The following PAWR variants were observed in gnomAD, a reference collection of about 807,000 sequenced individuals.
PAWR encodes the protein PRKC apoptosis WT1 regulator protein.
In PAWR, 23 loss-of-function variants were observed where a neutral mutation model predicts 32.0. The observed-to-expected ratio is 0.72, with a 90% CI of 0.52 to 1.02. The LOEUF (loss-of-function observed/expected upper bound fraction) is 1.02. PAWR is among the 50% of genes least tolerant of loss of function. The pLI, the probability that PAWR is intolerant of heterozygous loss-of-function variation, is 0.00. For missense variants in PAWR, 457 were observed against 437.7 expected (o/e 1.04, Z -0.39); for synonymous variants, 226 against 187.1 (o/e 1.21, Z -1.70).
chr12:79,674,936 G>C (rs1293857203), intron 2 of PAWR, among the ~76,000 whole-genome samples: 3 of 152,134 alleles, frequency 2.0e-5, no homozygotes, highest in Admixed American at 2.0e-4. Context: ...GCAGAGAAAA[G>C]GGAACACCCA....
chr12:79,601,638 C>T (rs1159438002), intron 4 of PAWR, among the ~76,000 whole-genome samples: 1 of 151,960 alleles, frequency 6.6e-6, no homozygotes, highest in East Asian at 1.9e-4. Context: ...ATAAAATAAT[C>T]GTCTGTATCC....
At chr12:79,647,804 G>C (rs942263202) in intron 2 of PAWR, among the ~76,000 whole-genome samples, 3 of 152,166 alleles carry the variant, frequency 2.0e-5, no homozygotes, top group African/African-American at 7.2e-5. Context: ...AACCAACTAA[G>C]TATCAAAATT....
At chr12:79,596,812 C>T (rs1873778328) in intron 4 of PAWR, 154 bp from the exon 5 acceptor site, 2 of 518,744 alleles carry the variant, frequency 3.9e-6, no homozygotes, top group African/African-American at 2.0e-5. Flanking sequence ...ATCATTATTC[C>T]CACACAATGA....
intron 2 of PAWR, among the ~76,000 whole-genome samples, chr12:79,688,625 C>T (rs1388570028): frequency 6.6e-6 from 1 of 152,034 alleles, no homozygotes; most frequent in African/African-American, 2.4e-5. Flanking sequence ...CATATAAATA[C>T]GTCCTACAAA....
Position 79,585,086 on chromosome 12 carries a change from A to G in PAWR, c.*7521T>C. The G allele has an allele frequency of 2.3e-6, 1 of 427,784 alleles. No homozygotes were observed. Among genetic ancestry groups the G allele is most frequent in the South Asian group, 1.7e-5 (1 of 58,230 alleles). The allele number at this position is 427,784 out of a possible 1,614,324, so 26.5% of individuals were successfully genotyped here. ...TTAATGGGGGTTATGTCAGGATGCCAATGTCCATGCTGAGGCTTCTCCTGA... is the reference window on the plus strand; with the variant it reads ...TTAATGGGGGTTATGTCAGGATGCCGATGTCCATGCTGAGGCTTCTCCTGA... On this transcript the variant is annotated 3_prime_UTR_variant, in exon 7 of 7. Transcript: ENST00000328827.
At chr12:79,605,644 T>G (rs1483222173) in intron 4 of PAWR, among the ~76,000 whole-genome samples, 1 of 152,152 alleles carries the variant, frequency 6.6e-6, no homozygotes, top group African/African-American at 2.4e-5. Context: ...ATGTATAATA[T>G]TTCATATAGG....
rs182540655 is a variant in PAWR at position 79,646,579 on chromosome 12, G to C, written c.517-25372C>G. Among the ~76,000 whole-genome samples, 26 of 152,144 alleles carry C rather than the reference G, an allele frequency of 1.7e-4. 1 individual carries two copies. Among genetic ancestry groups the C allele is most frequent in the Admixed American group, 1.2e-3 (19 of 15,278 alleles). ...ACTGTATACAACAAATCTTTATAAT[G>C]GTTCCTGTCCACCAAAAACCCATAT... is the stretch of plus-strand genomic sequence containing the variant. On this transcript the variant is annotated intron_variant, in intron 2 of 6. Transcript: ENST00000328827.
At chr12:79,687,257 A>G (rs1427735460) in intron 2 of PAWR, among the ~76,000 whole-genome samples, 1 of 152,152 alleles carries the variant, frequency 6.6e-6, no homozygotes, top group Non-Finnish European at 1.5e-5. Context: ...TTCCTTGCCT[A>G]TAACTATCTT....
chr12:79,633,130 C>CAAACAAACAAACAAACAAA (rs1875792994), intron 2 of PAWR, among the ~76,000 whole-genome samples: 1 of 151,632 alleles, frequency 6.6e-6, no homozygotes, highest in African/African-American at 2.4e-5. Flanking sequence ...GTCTCAAAAA[C>CAAACAAACAAACAAACAAA]AAACAAACAA....
rs1399294578 is a variant in PAWR at position 79,589,457 on chromosome 12, A to C, written c.*3150T>G. The C allele has an allele frequency of 6.6e-6, 1 of 152,078 alleles. No homozygotes were observed. The highest frequency in any genetic ancestry group is 2.4e-5 in the African/African-American group (1 of 41,434). The allele number at this position is 152,078 out of a possible 1,614,324, so 9.4% of individuals were successfully genotyped here. Reference sequence around the variant, plus strand: ...GAATACATTGCTTCTACCACAATTAAAAATTTTTTAAACTGAAGAAAAAAA... The same window carrying C: ...GAATACATTGCTTCTACCACAATTACAAATTTTTTAAACTGAAGAAAAAAA... On this transcript the variant is annotated 3_prime_UTR_variant, in exon 7 of 7. Coordinates refer to ENST00000328827, the MANE Select transcript of PAWR (RefSeq NM_002583.4).
In PAWR at chr12:79,588,076, C is replaced by T. The variant is rs909367909; in HGVS notation, c.*4531G>A. 1 of 151,928 alleles carries T rather than the reference C, an allele frequency of 6.6e-6. No individual in the cohort carries two copies. Among genetic ancestry groups the T allele is most frequent in the Admixed American group, 6.6e-5 (1 of 15,248 alleles). The allele number at this position is 151,928 out of a possible 1,614,324, so 9.4% of individuals were successfully genotyped here. A position where few individuals can be genotyped will look rare whatever the true frequency, so the allele number is the denominator to read the frequency against. ...GAAGAAAAACATAAGAATAAAAACC[C>T]TGAATAGCATAGCCAAATCTTCCAA... On this transcript the variant is annotated 3_prime_UTR_variant, in exon 7 of 7. Transcript: ENST00000328827.
At chr12:79,677,756 G>T (rs560028861) in intron 2 of PAWR, among the ~76,000 whole-genome samples, 8 of 152,222 alleles carry the variant, frequency 5.3e-5, no homozygotes, top group African/African-American at 1.9e-4. Flanking sequence ...AGTAATACAT[G>T]GAGAAAAATT....
intron 2 of PAWR, among the ~76,000 whole-genome samples, chr12:79,684,086 T>C (rs1323198457): frequency 1.3e-5 from 2 of 152,108 alleles, no homozygotes; most frequent in Non-Finnish European, 2.9e-5. Context: ...GAGCACACCG[T>C]GTGAATACTA....
At chr12:79,682,853 C>G (rs1878508349) in intron 2 of PAWR, among the ~76,000 whole-genome samples, 1 of 152,142 alleles carries the variant, frequency 6.6e-6, no homozygotes. Context: ...ATAGGTCTAA[C>G]ATGTAAGATT....
chr12:79,639,863 TATTCCTATTCCTATTCCTATTCCATTCC>T (rs1237780753), intron 2 of PAWR, among the ~76,000 whole-genome samples: 2,231 of 120,744 alleles, frequency 0.018, 99 homozygotes, highest in African/African-American at 0.077. Context: ...TTCCTATTCC[TATTCCTATTCCTATTCCTATTCCATTCC>T]ATTCCATTCC....
chr12:79,657,778 A>G (rs1592536313), intron 2 of PAWR, among the ~76,000 whole-genome samples: 1 of 151,940 alleles, frequency 6.6e-6, no homozygotes. Context: ...TGGGCCACAG[A>G]GCGAGACTCC....
At chr12:79,688,050 G>C (rs1456516507) in intron 2 of PAWR, among the ~76,000 whole-genome samples, 1 of 152,030 alleles carries the variant, frequency 6.6e-6, no homozygotes, top group Non-Finnish European at 1.5e-5. Context: ...AAATTTAGGA[G>C]TTGCCAACAC....
intron 3 of PAWR, 104 bp from the exon 4 acceptor site, chr12:79,613,713 T>C: frequency 1.9e-6 from 1 of 525,496 alleles, no homozygotes; most frequent in East Asian, 3.1e-5. Flanking sequence ...AAAGACCAAC[T>C]TGAAGCAATT....
At chr12:79,664,866 A>G (rs1205839333) in intron 2 of PAWR, among the ~76,000 whole-genome samples, 1 of 152,052 alleles carries the variant, frequency 6.6e-6, no homozygotes, top group Non-Finnish European at 1.5e-5. Flanking sequence ...AAGTATAGTT[A>G]ATACATCTAC....
Sources: allele counts gnomAD v4.1 joint callset (sites outside exome capture counted in the v4.1 genomes callset), GRCh38; gene constraint gnomAD v4.1.1; transcripts MANE v1.5; gene names NCBI Gene and HGNC (gene_info 2026-07-23, HGNC 2026-07-21).